Variants in KHDRBS2 observed in about 807,000 individuals in gnomAD.
KHDRBS2 encodes the protein KH domain-containing, RNA-binding, signal transduction-associated protein 2.
Under a neutral mutation model 44.3 loss-of-function variants are expected in KHDRBS2, and 26 were observed. The ratio of observed to expected loss-of-function variants is 0.59; its 90% CI spans 0.43 to 0.81. KHDRBS2 has a LOEUF of 0.81. Among genes scored for constraint, KHDRBS2 ranks in the 40% least tolerant of loss-of-function variants. The probability of loss-of-function intolerance (pLI) is 0.00; values close to 1 mark genes in which losing one functional copy is unlikely to be tolerated. For missense variants in KHDRBS2, 476 were observed against 433.1 expected (o/e 1.10, Z -0.88); for synonymous variants, 194 against 151.1 (o/e 1.28, Z -2.08).
intron 2 of KHDRBS2, among the ~76,000 whole-genome samples, chr6:62,165,984 C>T (rs1818608218): frequency 6.6e-6 from 1 of 152,022 alleles, no homozygotes; most frequent in South Asian, 2.1e-4. Flanking sequence ...CCCACAATCC[C>T]CTGTAACCGC....
At chr6:61,847,256 G>T (rs1378078817) in intron 6 of KHDRBS2, among the ~76,000 whole-genome samples, 1 of 152,052 alleles carries the variant, frequency 6.6e-6, no homozygotes, top group Non-Finnish European at 1.5e-5. Flanking sequence ...TTTTCTCAGA[G>T]ACTTTACTTT....
At chr6:61,937,475 A>G (rs1811246757) in intron 4 of KHDRBS2, among the ~76,000 whole-genome samples, 1 of 151,918 alleles carries the variant, frequency 6.6e-6, no homozygotes, top group African/African-American at 2.4e-5. Flanking sequence ...GTTTTGTAAT[A>G]TTTTATTGTT....
chr6:62,240,389 GT>G (rs1834402950), intron 1 of KHDRBS2, among the ~76,000 whole-genome samples: 1 of 151,726 alleles, frequency 6.6e-6, no homozygotes, highest in South Asian at 2.1e-4. Context: ...AAATATCCTG[GT>G]TTCCTTTACT....
intron 2 of KHDRBS2, among the ~76,000 whole-genome samples, chr6:62,158,817 T>A (rs1817009048): frequency 6.6e-6 from 1 of 152,108 alleles, no homozygotes; most frequent in Admixed American, 6.5e-5. Context: ...TTTTTTCATA[T>A]TCTTGCTTTT....
chr6:61,603,823 A>T, the KHDRBS2 span, among the ~76,000 whole-genome samples: 1 of 152,072 alleles, frequency 6.6e-6, no homozygotes, highest in Non-Finnish European at 1.5e-5. Flanking sequence ...ATTATTCCAG[A>T]TACCACACCT....
chr6:62,168,665 T>C (rs977533649), intron 2 of KHDRBS2, among the ~76,000 whole-genome samples: 6 of 152,190 alleles, frequency 3.9e-5, no homozygotes, highest in Non-Finnish European at 8.8e-5. Context: ...ATTGTCTTCA[T>C]TAATATCAAC....
chr6:61,893,984 G>A (rs773024623), intron 6 of KHDRBS2, among the ~76,000 whole-genome samples: 9 of 151,744 alleles, frequency 5.9e-5, no homozygotes, highest in East Asian at 1.9e-4. Context: ...CAATCTAGTC[G>A]GAGAAATGGA....
At chr6:61,857,169 C>A (rs1262244508) in intron 6 of KHDRBS2, among the ~76,000 whole-genome samples, 1 of 151,966 alleles carries the variant, frequency 6.6e-6, no homozygotes, top group Non-Finnish European at 1.5e-5. Context: ...TTTTAAGATT[C>A]ATGGATTTCA....
At chr6:62,112,101 A>G (rs1313737598) in intron 2 of KHDRBS2, among the ~76,000 whole-genome samples, 1 of 152,140 alleles carries the variant, frequency 6.6e-6, no homozygotes, top group African/African-American at 2.4e-5. Flanking sequence ...TTCTAAGTAT[A>G]AAGGCAAGGT....
At chr6:62,005,482 T>C (rs1390386466) in intron 3 of KHDRBS2, among the ~76,000 whole-genome samples, 1 of 151,922 alleles carries the variant, frequency 6.6e-6, no homozygotes, top group East Asian at 1.9e-4. Flanking sequence ...TTCAGAGAGC[T>C]ATCTCCTAGA....
At chr6:61,617,600 T>G in the KHDRBS2 span, among the ~76,000 whole-genome samples, 1 of 151,760 alleles carries the variant, frequency 6.6e-6, no homozygotes, top group African/African-American at 2.4e-5. Flanking sequence ...AATGTTAATT[T>G]ATTTTATTCT....
At chr6:61,681,771 A>G (rs1766334890) in intron 8 of KHDRBS2, among the ~76,000 whole-genome samples, 1 of 151,918 alleles carries the variant, frequency 6.6e-6, no homozygotes, top group African/African-American at 2.4e-5. Context: ...GTAGAAATCT[A>G]TTATTCCAAA....
intron 1 of KHDRBS2, among the ~76,000 whole-genome samples, chr6:62,237,356 G>A (rs1833868681): frequency 6.6e-6 from 1 of 152,004 alleles, no homozygotes; most frequent in African/African-American, 2.4e-5. Context: ...TAAAGCCAGG[G>A]AAAAATAAGT....
intron 4 of KHDRBS2, among the ~76,000 whole-genome samples, chr6:61,916,027 C>A (rs1243779643): frequency 6.6e-6 from 1 of 152,016 alleles, no homozygotes; most frequent in Non-Finnish European, 1.5e-5. Context: ...TACCCCGATT[C>A]TTATTTTGTA....
At chr6:62,000,755 T>C (rs1401557585) in intron 3 of KHDRBS2, among the ~76,000 whole-genome samples, 1 of 152,110 alleles carries the variant, frequency 6.6e-6, no homozygotes, top group Non-Finnish European at 1.5e-5. Context: ...TCTCATGAGG[T>C]TCTTCCAGAG....
intron 3 of KHDRBS2, among the ~76,000 whole-genome samples, chr6:61,996,797 C>A (rs1167304198): frequency 1.3e-5 from 2 of 149,832 alleles, no homozygotes; most frequent in African/African-American, 4.9e-5. Context: ...CCCCCTCACC[C>A]CCCCGAGATA....
chr6:61,663,222 G>A, the KHDRBS2 span, among the ~76,000 whole-genome samples: 2 of 126,506 alleles, frequency 1.6e-5, no homozygotes, highest in East Asian at 2.6e-4. Context: ...GACACAGGAA[G>A]GGGAACATCA....
chr6:61,635,084 C>A, the KHDRBS2 span, among the ~76,000 whole-genome samples: 7 of 151,980 alleles, frequency 4.6e-5, no homozygotes, highest in Admixed American at 1.3e-4. Flanking sequence ...CCTAGGTTTT[C>A]ATTTCTTACT....
chr6:62,101,611 A>G (rs571953495), intron 2 of KHDRBS2, among the ~76,000 whole-genome samples: 1 of 152,318 alleles, frequency 6.6e-6, no homozygotes, highest in African/African-American at 2.4e-5. Context: ...CTCTAGGTAG[A>G]GCTAGCTGGA....
Sources: allele counts gnomAD v4.1 joint callset (sites outside exome capture counted in the v4.1 genomes callset), GRCh38; gene constraint gnomAD v4.1.1; transcripts MANE v1.5; gene names NCBI Gene and HGNC (gene_info 2026-07-23, HGNC 2026-07-21).